The following HIP1R variants were observed in gnomAD, a reference collection of about 807,000 sequenced individuals.
The protein encoded by HIP1R is huntingtin interacting protein 1 related, also known as huntingtin-interacting protein 1-related protein.
In HIP1R, 135 loss-of-function variants were observed where a neutral mutation model predicts 144.2. That is an observed-to-expected ratio of 0.94 (90% CI 0.81 to 1.08). The LOEUF is 1.08. HIP1R is among the 50% of genes least tolerant of loss of function. The pLI is 0.00. For missense variants in HIP1R, 1,462 were observed against 1,432.8 expected (o/e 1.02, Z -0.33); for synonymous variants, 698 against 612.8 (o/e 1.14, Z -2.05).
Position 122,861,951 on chromosome 12 carries a change from T to C in HIP1R, c.*198T>C. Reference sequence around the variant, plus strand: ...TGTGGGTGGTGCTTCTGGATGTGAGTCTCTTATTTATCTGCAGAAGGAACT... The same window carrying C: ...TGTGGGTGGTGCTTCTGGATGTGAGCCTCTTATTTATCTGCAGAAGGAACT... On this transcript the variant is annotated 3_prime_UTR_variant, in exon 32 of 32. Transcript: ENST00000253083. 1 of 547,968 alleles carries C rather than the reference T, an allele frequency of 1.8e-6. No homozygotes were observed. The highest frequency in any genetic ancestry group is 1.9e-5 in the African/African-American group (1 of 52,272). The allele number at this position is 547,968 out of a possible 1,614,324, so 33.9% of individuals were successfully genotyped here. A position where few individuals can be genotyped will look rare whatever the true frequency, so the allele number is the denominator to read the frequency against.
chr12:122,860,779 T>G lies in HIP1R; in HGVS notation c.2761T>G (p.Ser921Ala). 1 of 1,612,252 alleles carries G rather than the reference T, an allele frequency of 6.2e-7. No homozygotes were observed. Among genetic ancestry groups the G allele is most frequent in the Non-Finnish European group, 8.5e-7 (1 of 1,179,476 alleles). The change falls in exon 28 of 32, where the codon TCC (serine) becomes GCC (alanine). Residue 921 changes from serine (S) to alanine (A), a missense_variant. By Grantham distance (99) the Ser-to-Ala change is moderately conservative. Transcript: ENST00000253083. The part of the protein sequence containing the change: ...AASTAQLVAA[S>A]KVKANKHSPH... The stretch of plus-strand genomic sequence containing the variant: ...CAGCACGGCCCAGCTGGTGGCGGCC[T>G]CCAAGGTGAGCTTGCACGCCGACAG...
intron 6 of HIP1R, 119 bp downstream of exon 6, chr12:122,851,030 T>C (rs1354411473): frequency 2.1e-6 from 2 of 949,608 alleles, no homozygotes; most frequent in South Asian, 3.0e-5. Context: ...CGTGGCTTTG[T>C]TGGTTGATGC....
intron 4 of HIP1R, 137 bp from the exon 5 acceptor site, chr12:122,849,738 T>G (rs1593870743): frequency 4.9e-6 from 3 of 616,954 alleles, no homozygotes; most frequent in East Asian, 5.5e-5. Context: ...ACAGAGAGGG[T>G]GGTTGGTGGA....
chr12:122,860,431 C>T lies in HIP1R; in HGVS notation c.2568C>T (p.Ala856=), dbSNP rs2033734247. The T allele has an allele frequency of 1.2e-6, 2 of 1,613,300 alleles. No individual in the cohort carries two copies. Among genetic ancestry groups the T allele is most frequent in the African/African-American group, 1.3e-5 (1 of 74,922 alleles). The change falls in exon 27 of 32, where the codon GCC becomes GCT. Residue 856 remains alanine (A), a synonymous_variant. Transcript: ENST00000253083. The part of the protein sequence containing the change: ...KEIVESGRGA[A]TQQEFYAKNS... ...TCTCCCGTCGCCACTAGGGGGCAGCCACGCAGCAGGAATTTTACGCCAAGA... is the reference window on the plus strand; with the variant it reads ...TCTCCCGTCGCCACTAGGGGGCAGCTACGCAGCAGGAATTTTACGCCAAGA...
rs750311223 is a variant in HIP1R at position 122,858,313 on chromosome 12, G to A, written c.1964-36G>A. 30 of 1,592,190 alleles carry A rather than the reference G, an allele frequency of 1.9e-5. 1 individual carries two copies. In the East Asian group the frequency reaches 4.5e-4, roughly 24 times the overall value. On this transcript the variant is annotated intron_variant, in intron 19 of 31. Coordinates refer to ENST00000253083, the MANE Select transcript of HIP1R (RefSeq NM_003959.3). Reference sequence around the variant, plus strand: ...CTTCCCATCCCCAGCCCTGAGCAGCGGGTGGCAGGGGCCTCAGTTCTCCTC... The same window carrying A: ...CTTCCCATCCCCAGCCCTGAGCAGCAGGTGGCAGGGGCCTCAGTTCTCCTC...
chr12:122,847,448 G>A (rs541728757), intron 1 of HIP1R, among the ~76,000 whole-genome samples: 63 of 152,366 alleles, frequency 4.1e-4, no homozygotes, highest in Non-Finnish European at 8.2e-4. Context: ...TGGCTGGGCT[G>A]CAGGTGGCAG....
At chr12:122,849,178 C>A (rs1357202403) in intron 4 of HIP1R, among the ~76,000 whole-genome samples, 1 of 152,274 alleles carries the variant, frequency 6.6e-6, no homozygotes, top group Non-Finnish European at 1.5e-5. Context: ...TGGGCTCCCC[C>A]AGACCTGCTG....
rs543040567 is a variant in HIP1R, at chr12:122,856,418, C to T, written c.1402-14C>T. The T allele has an allele frequency of 8.0e-5, 128 of 1,601,894 alleles. No homozygotes were observed. The highest frequency in any genetic ancestry group is 1.0e-4 in the Non-Finnish European group (119 of 1,174,254). On this transcript the variant is annotated splice_polypyrimidine_tract_variant and intron_variant, in intron 15 of 31. Coordinates refer to ENST00000253083, the MANE Select transcript of HIP1R (RefSeq NM_003959.3). ...GATGGCAGCAGAGCATGAGCCCTTC[C>T]CCTGCCCATGCAGAACGCGGACACA...
In HIP1R at chr12:122,855,910, G is replaced by A. The variant is rs2033556502; in HGVS notation, c.1128+7G>A. 6.4e-7 allele frequency: 1 copy of A among 1,561,690 alleles called. No individual in the cohort carries two copies. Among genetic ancestry groups the A allele is most frequent in the Non-Finnish European group, 8.7e-7 (1 of 1,152,450 alleles). On this transcript the variant is annotated splice_region_variant and intron_variant, in intron 13 of 31. Coordinates refer to ENST00000253083, the MANE Select transcript of HIP1R (RefSeq NM_003959.3). ...GGAGAAGATCAAGCTGGAGGTGCGG[G>A]GTGGGGATGGGTGGGGGCCAGGGCC...
chr12:122,837,846 T>C (rs2032950885), intron 1 of HIP1R, among the ~76,000 whole-genome samples: 1 of 152,198 alleles, frequency 6.6e-6, no homozygotes, highest in South Asian at 2.1e-4. Flanking sequence ...ATTAGATCGT[T>C]CCCAGAAATA....
In HIP1R at chr12:122,855,873, C is replaced by G. The variant is rs1417965065; in HGVS notation, c.1098C>G (p.Leu366=). 4.5e-6 allele frequency: 7 copies of G among 1,565,318 alleles called. No individual in the cohort carries two copies. The highest frequency in any genetic ancestry group is 1.9e-5 in the Admixed American group (1 of 52,658). ...GCTTGAAGAGAGAGGTGGAAATGCT[C>G]CGCTCTGAACTGGAGAAGATCAAGC... ...IESLKREVEM[L]RSELEKIKLE... The change falls in exon 13 of 32, where the codon CTC becomes CTG. Residue 366 remains leucine, a synonymous_variant. Coordinates refer to ENST00000253083, the MANE Select transcript of HIP1R (RefSeq NM_003959.3).
Position 122,858,123 on chromosome 12 carries a change from C to G in HIP1R, c.1837C>G (p.Arg613Gly), listed in dbSNP as rs369312749. 3.1e-6 allele frequency: 5 copies of G among 1,592,854 alleles called. No individual in the cohort carries two copies. Among genetic ancestry groups the G allele is most frequent in the Non-Finnish European group, 4.3e-6 (5 of 1,172,046 alleles). Residue 613 changes from arginine to glycine, a missense_variant, in exon 19 of 32, where the codon CGG (arginine) becomes GGG (glycine). Coordinates refer to ENST00000253083, the MANE Select transcript of HIP1R (RefSeq NM_003959.3). ...CCAGGAGTCTCAGGAGCAGGGGCTG[C>G]GGCAGAGGCTGCTGGACGAGCAGTT... ...AERESQEQGL[R>G]QRLLDEQFAV...
chr12:122,835,439 GGCGGGCCCGGGCGCGGCGC>G, exon 1 of HIP1R: 2 of 1,145,156 alleles, frequency 1.7e-6, no homozygotes, highest in Non-Finnish European at 2.1e-6. Flanking sequence ...CTCCCCGGCG[GGCGGGCCCGGGCGCGGCGC>G]GGTGGCCTCG....
chr12:122,861,131 A>C lies in HIP1R; in HGVS notation c.2891A>C (p.Asp964Ala). The C allele has an allele frequency of 1.2e-6, 2 of 1,613,388 alleles. 1 individual carries two copies. The highest frequency in any genetic ancestry group is 2.2e-5 in the South Asian group (2 of 91,060). The part of the protein sequence containing the change: ...KSGQEQIEDR[D>A]TMDFSGLSLI... Reference sequence around the variant, plus strand: ...TCACCCCCTTGTCCTCCGGCCACAGACACCATGGATTTCTCCGGCCTGTCC... The same window carrying C: ...TCACCCCCTTGTCCTCCGGCCACAGCCACCATGGATTTCTCCGGCCTGTCC... The change falls in exon 30 of 32, where the codon GAC becomes GCC. Residue 964 changes from aspartate (D) to alanine (A), a missense_variant and splice_region_variant. By Grantham distance (126) the Asp-to-Ala change is moderately radical. Around this residue, in one of 2 missense-constraint regions of HIP1R, gnomAD observed 1,112 missense variants for 1,011.7 expected, o/e 1.10. Transcript: ENST00000253083.
At chr12:122,839,612 T>C (rs1430818317) in intron 1 of HIP1R, among the ~76,000 whole-genome samples, 3 of 152,220 alleles carry the variant, frequency 2.0e-5, no homozygotes, top group African/African-American at 7.2e-5. Context: ...AGTAGAGCAG[T>C]GTTGTCCAGG....
intron 5 of HIP1R, 140 bp downstream of exon 5, chr12:122,850,095 A>G: frequency 2.8e-6 from 2 of 718,928 alleles, no homozygotes; most frequent in East Asian, 5.4e-5. Flanking sequence ...CCCAACTATG[A>G]CTAAAGGGGA....
Position 122,848,035 on chromosome 12 carries a change from T to G in HIP1R, c.98T>G (p.Ile33Ser). The G allele has an allele frequency of 6.2e-7, 1 of 1,613,556 alleles. No individual in the cohort carries two copies. The highest frequency in any genetic ancestry group is 8.5e-7 in the Non-Finnish European group (1 of 1,179,942). Residue 33 changes from isoleucine to serine, a missense_variant, in exon 2 of 32, where the codon ATC becomes AGC. This residue lies in a region of HIP1R where 350 missense variants were observed against 421.1 expected (regional missense o/e 0.83). Transcript: ENST00000253083. ...CTGCTCCTTTGTCCCTCACAGGCCA[T>G]CAGCATCAGCAAAGCCATCAACACC... ...EREQFDKTQA[I>S]SISKAINTQE...
intron 1 of HIP1R, among the ~76,000 whole-genome samples, chr12:122,843,234 G>A (rs1383481029): frequency 1.3e-5 from 2 of 152,220 alleles, no homozygotes; most frequent in Admixed American, 6.5e-5. Flanking sequence ...GCCCAGGGCC[G>A]CCTGGGAGGG....
rs765170780 is a variant in HIP1R, at chr12:122,855,087, C to T, written c.811C>T (p.Leu271=). Residue 271 remains leucine, a synonymous_variant, in exon 10 of 32, where the codon CTG becomes TTG. Transcript: ENST00000253083. Reference sequence around the variant, plus strand: ...CTTCTTCCGCAGAGCCTCCGACATGCTGTACTTCAAGCGGCTCATCCAGAT... The same window carrying T: ...CTTCTTCCGCAGAGCCTCCGACATGTTGTACTTCAAGCGGCTCATCCAGAT... ...RNFFRRASDM[L]YFKRLIQIPR... 1.9e-6 allele frequency: 3 copies of T among 1,613,880 alleles called. No individual in the cohort carries two copies. The highest frequency in any genetic ancestry group is 2.5e-6 in the Non-Finnish European group (3 of 1,180,016).
Sources: gnomAD v4.1 joint callset for allele counts (sites outside exome capture counted in the v4.1 genomes callset) on GRCh38, gnomAD v4.1.1 for gene constraint, gnomAD v4.1.1 regional missense constraint, MANE v1.5 for transcripts, NCBI Gene and HGNC (gene_info 2026-07-23, HGNC 2026-07-21) for gene names.